DLGAP1: variants seen among roughly 807,000 people sequenced by gnomAD.
DLGAP1 encodes disks large-associated protein 1.
Under a neutral mutation model 90.8 loss-of-function variants are expected in DLGAP1, and 11 were observed. The ratio of observed to expected loss-of-function variants is 0.12; its 90% CI spans 0.08 to 0.20. The LOEUF (loss-of-function observed/expected upper bound fraction) is 0.20, where lower values mean the gene tolerates loss of function less well. Ranked by LOEUF, DLGAP1 falls within the 10% of genes least tolerant of loss-of-function variation. DLGAP1 has a pLI of 1.00. For missense variants in DLGAP1, 1,050 were observed against 1,333.8 expected (o/e 0.79, Z 3.31); for synonymous variants, 558 against 540.7 (o/e 1.03, Z -0.44).
intron 3 of DLGAP1, among the ~76,000 whole-genome samples, chr18:3,905,366 C>CAAAAA (rs71160924): frequency 0.12 from 2,446 of 19,780 alleles, 565 homozygotes; most frequent in Middle Eastern, 0.25. Flanking sequence ...GACTCCATCT[C>CAAAAA]AAAAAAAAAA....
At chr18:4,043,741 T>C (rs2075009559) in intron 2 of DLGAP1, among the ~76,000 whole-genome samples, 2 of 152,098 alleles carry the variant, frequency 1.3e-5, no homozygotes, top group African/African-American at 4.8e-5. Flanking sequence ...TTTGTGTGTA[T>C]CCTTCAAGGA....
intron 5 of DLGAP1, among the ~76,000 whole-genome samples, chr18:3,779,059 G>A (rs1306065554): frequency 6.6e-5 from 10 of 152,110 alleles, no homozygotes; most frequent in African/African-American, 1.7e-4. Context: ...TTGACCACCC[G>A]CAGGTGGTGA....
At chr18:4,049,304 A>G (rs1221287635) in intron 2 of DLGAP1, among the ~76,000 whole-genome samples, 1 of 151,700 alleles carries the variant, frequency 6.6e-6, no homozygotes, top group African/African-American at 2.4e-5. Flanking sequence ...CCTGGGTTAT[A>G]TTTGGCTCTG....
intron 7 of DLGAP1, among the ~76,000 whole-genome samples, chr18:3,724,919 C>T (rs1390950234): frequency 6.7e-6 from 1 of 149,736 alleles, no homozygotes; most frequent in East Asian, 1.9e-4. Flanking sequence ...AAAAAAAAAA[C>T]CCAACCAAAC....
chr18:3,894,783 A>G (rs1045794575), intron 3 of DLGAP1: 3 of 152,086 alleles, frequency 2.0e-5, no homozygotes, highest in African/African-American at 7.2e-5. Flanking sequence ...CCAGTTTAGC[A>G]TATGTGTTGC....
chr18:3,676,838 T>C (rs954755768), intron 7 of DLGAP1, among the ~76,000 whole-genome samples: 1 of 152,104 alleles, frequency 6.6e-6, no homozygotes, highest in African/African-American at 2.4e-5. Flanking sequence ...CACTGAAAAC[T>C]CTCTCTCCTA....
At chr18:3,655,794 C>A in intron 7 of DLGAP1, 1 of 360,334 alleles carries the variant, frequency 2.8e-6, no homozygotes, top group East Asian at 4.5e-5. Context: ...AATAAGGCCA[C>A]AGAAGAGCCC....
chr18:4,015,837 TTATTTA>T (rs1397130776), intron 2 of DLGAP1, among the ~76,000 whole-genome samples: 5 of 152,214 alleles, frequency 3.3e-5, no homozygotes, highest in African/African-American at 1.2e-4. Flanking sequence ...ATACTAATTT[TTATTTA>T]TATCTCTATC....
chr18:4,198,023 C>T (rs1466596144), intron 1 of DLGAP1, among the ~76,000 whole-genome samples: 1 of 151,984 alleles, frequency 6.6e-6, no homozygotes, highest in African/African-American at 2.4e-5. Flanking sequence ...AGATCAAGAC[C>T]ATCCTGGCTA....
intron 6 of DLGAP1, among the ~76,000 whole-genome samples, chr18:3,738,970 T>TGAACA (rs1373771174): frequency 1.3e-5 from 2 of 150,434 alleles, no homozygotes; most frequent in African/African-American, 4.9e-5. Flanking sequence ...GCGAAGGACA[T>TGAACA]GAACAGACAC....
In DLGAP1 at chr18:4,005,122, T is replaced by C. The variant is rs1000929; in HGVS notation, c.-79A>G. The C allele has an allele frequency of 0.22, 33,963 of 152,114 alleles. 3,858 individuals carry two copies. Among genetic ancestry groups the C allele is most frequent in the African/African-American group, 0.23 (9,713 of 41,490 alleles). The allele number at this position is 152,114 out of a possible 1,614,324, so 9.4% of individuals were successfully genotyped here. A position where few individuals can be genotyped will look rare whatever the true frequency, so the allele number is the denominator to read the frequency against. ...CTTCCCAACCATGACTTACTGTTCT[T>C]AGCGCCGTTGTCATTCAATCAGGAA... On this transcript the variant is annotated 5_prime_UTR_variant, in exon 3 of 13. Coordinates refer to ENST00000315677, the MANE Select transcript of DLGAP1 (RefSeq NM_004746.4).
chr18:3,986,166 C>G (rs1240997685), intron 3 of DLGAP1: 1 of 151,956 alleles, frequency 6.6e-6, no homozygotes, highest in African/African-American at 2.4e-5. Context: ...CTTTTTTTTC[C>G]TTCTGTCACC....
At chr18:4,340,074 T>A (rs2143835588) in intron 1 of DLGAP1, among the ~76,000 whole-genome samples, 1 of 152,324 alleles carries the variant, frequency 6.6e-6, no homozygotes, top group Admixed American at 6.5e-5. Flanking sequence ...ATATACACAA[T>A]GTTTTTCCTA....
intron 3 of DLGAP1, among the ~76,000 whole-genome samples, chr18:3,915,183 G>A (rs1393508759): frequency 6.6e-6 from 1 of 152,112 alleles, no homozygotes; most frequent in African/African-American, 2.4e-5. Context: ...GTCTATTCAG[G>A]TCCTTTGCCC....
At chr18:3,503,414 C>T (rs2050050648) in intron 11 of DLGAP1, among the ~76,000 whole-genome samples, 1 of 152,190 alleles carries the variant, frequency 6.6e-6, no homozygotes, top group Admixed American at 6.5e-5. Flanking sequence ...CCACATATCC[C>T]TGATACCAGA....
At chr18:3,583,721 G>T (rs1164865264) in intron 7 of DLGAP1, among the ~76,000 whole-genome samples, 1 of 152,130 alleles carries the variant, frequency 6.6e-6, no homozygotes, top group Non-Finnish European at 1.5e-5. Context: ...GCCCAGGCGG[G>T]TGGATCACCT....
chr18:3,839,630 C>G (rs2068598375), intron 4 of DLGAP1, among the ~76,000 whole-genome samples: 1 of 152,174 alleles, frequency 6.6e-6, no homozygotes, highest in African/African-American at 2.4e-5. Context: ...TCTCAGGGTA[C>G]TGCTAGAAAC....
intron 5 of DLGAP1, among the ~76,000 whole-genome samples, chr18:3,796,952 TC>T (rs2066019844): frequency 1.3e-5 from 2 of 152,202 alleles, no homozygotes; most frequent in South Asian, 2.1e-4. Context: ...TGTGATGGTA[TC>T]TGGAGATGGG....
intron 5 of DLGAP1, among the ~76,000 whole-genome samples, chr18:3,795,739 C>T (rs942325972): frequency 2.0e-5 from 3 of 152,180 alleles, no homozygotes; most frequent in African/African-American, 7.2e-5. Flanking sequence ...CCACCTCAGC[C>T]TCCCAGGTAG....
Sources: allele counts gnomAD v4.1 joint callset (sites outside exome capture counted in the v4.1 genomes callset), GRCh38; gene constraint gnomAD v4.1.1; transcripts MANE v1.5; gene names NCBI Gene and HGNC (gene_info 2026-07-23, HGNC 2026-07-21).